KLHL13: variants seen among roughly 807,000 people sequenced by gnomAD.
KLHL13 encodes the protein kelch like family member 13.
A neutral mutation model predicts 37.1 loss-of-function variants in KLHL13; 10 were observed. The ratio of observed to expected loss-of-function variants is 0.27; its 90% CI spans 0.17 to 0.46. The LOEUF is 0.46. Among genes scored for constraint, KLHL13 ranks in the 20% least tolerant of loss-of-function variants. The pLI, the probability that KLHL13 is intolerant of heterozygous loss-of-function variation, is 1.00. For missense variants in KLHL13, 360 were observed against 509.3 expected (o/e 0.71, Z 2.82); for synonymous variants, 163 against 181.2 (o/e 0.90, Z 0.81).
intron 1 of KLHL13, among the ~76,000 whole-genome samples, chrX:118,015,043 C>T (rs1157796221): frequency 2.7e-5 from 3 of 111,608 alleles, no homozygotes; most frequent in East Asian, 5.7e-4. Context: ...TTATTTAATC[C>T]ACAGAACAAT....
intron 1 of KLHL13, among the ~76,000 whole-genome samples, chrX:118,068,078 G>A (rs1370090691): frequency 9.0e-6 from 1 of 111,548 alleles, no homozygotes; most frequent in Non-Finnish European, 1.9e-5. Flanking sequence ...ACTTCACTAG[G>A]CAATAGGAAT....
At chrX:118,054,215 C>T (rs1433401627) in intron 1 of KLHL13, among the ~76,000 whole-genome samples, 1 of 110,893 alleles carries the variant, frequency 9.0e-6, no homozygotes, top group East Asian at 2.8e-4. Context: ...ATTCAATTTG[C>T]CCTCCATGTT....
intron 1 of KLHL13, among the ~76,000 whole-genome samples, chrX:118,023,657 C>T (rs1168687864): frequency 1.8e-5 from 2 of 111,606 alleles, no homozygotes; most frequent in African/African-American, 3.3e-5. Flanking sequence ...CAACCTCCGC[C>T]TCCCAGGTTC....
intron 4 of KLHL13, among the ~76,000 whole-genome samples, chrX:117,916,757 T>C (rs1239391377): frequency 8.9e-6 from 1 of 112,448 alleles, no homozygotes; most frequent in Non-Finnish European, 1.9e-5. Flanking sequence ...AGGGAATTTT[T>C]CTGTCTAAAA....
chrX:117,914,433 A>T (rs1480894411), intron 4 of KLHL13: 2 of 111,235 alleles, frequency 1.8e-5, no homozygotes, highest in Admixed American at 9.6e-5. Flanking sequence ...TCAATGCGCC[A>T]AATTCTACTT....
intron 1 of KLHL13, among the ~76,000 whole-genome samples, chrX:118,092,563 A>G (rs2055149638): frequency 8.9e-6 from 1 of 112,100 alleles, no homozygotes; most frequent in African/African-American, 3.2e-5. Context: ...AGTTATCTAA[A>G]CCAAAAGAAA....
chrX:117,966,349 C>T (rs2053430146), intron 1 of KLHL13, among the ~76,000 whole-genome samples: 1 of 110,784 alleles, frequency 9.0e-6, no homozygotes, highest in Non-Finnish European at 1.9e-5. Flanking sequence ...ATCCAACTTA[C>T]AAGGGATGTG....
Position 118,026,653 on chromosome X carries a change from A to G in KLHL13, c.-55-81078T>C, listed in dbSNP as rs190906028. 1.5e-3 allele frequency among the ~76,000 whole-genome samples: 163 copies of G among 112,253 alleles called. 1 individual carries two copies. The highest frequency in any genetic ancestry group is 4.1e-3 in the African/African-American group (126 of 31,010). On this transcript the variant is annotated intron_variant, in intron 1 of 6. Coordinates refer to the KLHL13 transcript ENST00000371882. ...AGATGATGTTAAAGATGAAGCCCTC[A>G]GCAGCAGATGATCCAAATGAATTTG... is the stretch of plus-strand genomic sequence containing the variant.
intron 1 of KLHL13, among the ~76,000 whole-genome samples, chrX:118,016,571 T>C (rs758715612): frequency 6.3e-5 from 7 of 111,929 alleles, no homozygotes; most frequent in East Asian, 2.8e-4. Flanking sequence ...TTATGTACAA[T>C]ACAGGATATA....
intron 1 of KLHL13, among the ~76,000 whole-genome samples, chrX:118,011,019 G>T (rs184001741): frequency 3.6e-5 from 4 of 110,297 alleles, no homozygotes; most frequent in African/African-American, 9.9e-5. Context: ...GCTGCAGTGA[G>T]CCATGATTGC....
chrX:118,095,460 C>T (rs2055193985), intron 1 of KLHL13, among the ~76,000 whole-genome samples: 1 of 111,475 alleles, frequency 9.0e-6, no homozygotes, highest in African/African-American at 3.3e-5. Flanking sequence ...TAACACCCCA[C>T]TGTCAACATT....
chrX:117,903,173 G>GAGCGAGAGAGAGA (rs1491190040), intron 5 of KLHL13, among the ~76,000 whole-genome samples: 9 of 96,720 alleles, frequency 9.3e-5, no homozygotes, highest in African/African-American at 3.9e-4. Flanking sequence ...GAGAGAGAGA[G>GAGCGAGAGAGAGA]GAGAGCGAGA....
At chrX:117,899,161 G>A (rs779914744) in exon 7 of KLHL13, 5 of 1,211,383 alleles carry the variant, frequency 4.1e-6, no homozygotes, top group Non-Finnish European at 5.6e-6. Context: ...TCTTAACATG[G>A]CAGCAATTGG....
At chrX:118,011,623 T>C in intron 1 of KLHL13, among the ~76,000 whole-genome samples, 1 of 111,150 alleles carries the variant, frequency 9.0e-6, no homozygotes, top group Middle Eastern at 4.2e-3. Context: ...ACTTAGAGAC[T>C]AACTGAGTGT....
chrX:118,064,053 T>C (rs2054770405), intron 1 of KLHL13, among the ~76,000 whole-genome samples: 1 of 111,764 alleles, frequency 8.9e-6, no homozygotes, highest in Non-Finnish European at 1.9e-5. Context: ...GTTGATAAAT[T>C]AGAAGGTAAA....
At chrX:118,108,545 T>C (rs140199818) in intron 1 of KLHL13, among the ~76,000 whole-genome samples, 8,271 of 112,260 alleles carry the variant, frequency 0.074, 257 homozygotes, top group Middle Eastern at 0.13. Context: ...TCTCAAACTG[T>C]AGAAACCTTT....
chrX:118,032,176 C>A (rs2054361033), intron 1 of KLHL13, among the ~76,000 whole-genome samples: 2 of 111,432 alleles, frequency 1.8e-5, no homozygotes, highest in Non-Finnish European at 3.8e-5. Flanking sequence ...GGGCGCCCAC[C>A]ATTGCCCAGG....
At chrX:118,088,015 C>A (rs1185093892) in intron 1 of KLHL13, among the ~76,000 whole-genome samples, 3 of 112,081 alleles carry the variant, frequency 2.7e-5, no homozygotes, top group Admixed American at 9.5e-5. Context: ...TTATGACCAT[C>A]AATGGATCTT....
intron 1 of KLHL13, among the ~76,000 whole-genome samples, chrX:117,970,552 T>A (rs189558049): frequency 9.0e-6 from 1 of 111,578 alleles, no homozygotes; most frequent in Non-Finnish European, 1.9e-5. Context: ...TCAGTCTTTA[T>A]CATTTTTGAA....
Sources: gnomAD v4.1 joint callset for allele counts (sites outside exome capture counted in the v4.1 genomes callset) on GRCh38, gnomAD v4.1.1 for gene constraint, MANE v1.5 for transcripts, NCBI Gene and HGNC (gene_info 2026-07-23, HGNC 2026-07-21) for gene names.